RPH3A: variants seen among roughly 807,000 people sequenced by gnomAD.
The protein encoded by RPH3A is rabphilin 3A, also known as rabphilin-3A.
A neutral mutation model predicts 102.2 loss-of-function variants in RPH3A; 48 were observed. The observed-to-expected ratio is 0.47, with a 90% CI of 0.37 to 0.60. The LOEUF is 0.60. Among genes scored for constraint, RPH3A ranks in the 20% least tolerant of loss-of-function variants. RPH3A has a pLI of 0.00. For missense variants in RPH3A, 781 were observed against 910.1 expected, an observed-to-expected ratio of 0.86 and a Z score of 1.83; for synonymous variants, 310 against 324.3, an observed-to-expected ratio of 0.96 and a Z score of 0.47.
intron 1 of RPH3A, among the ~76,000 whole-genome samples, chr12:112,748,508 A>T (rs1033616348): frequency 1.5e-4 from 23 of 151,976 alleles, no homozygotes; most frequent in Non-Finnish European, 2.8e-4. Context: ...TAATTTTTAA[A>T]TTTTTTGTAG....
At chr12:112,656,369 A>G (rs1357403180) in intron 1 of RPH3A, among the ~76,000 whole-genome samples, 1 of 152,206 alleles carries the variant, frequency 6.6e-6, no homozygotes, top group African/African-American at 2.4e-5. Context: ...CCTTGGTGAC[A>G]TCACCCCAAG....
chr12:112,650,864 G>A (rs2039969491), intron 1 of RPH3A: 1 of 151,824 alleles, frequency 6.6e-6, no homozygotes, highest in African/African-American at 2.4e-5. Context: ...GAGTAGCTGG[G>A]ACCACAGGCG....
chr12:112,805,890 T>C (rs2041451648), intron 2 of RPH3A, among the ~76,000 whole-genome samples: 1 of 152,212 alleles, frequency 6.6e-6, no homozygotes, highest in African/African-American at 2.4e-5. Context: ...ACCTACAATG[T>C]TCATATTTTC....
chr12:112,743,438 A>G (rs927692711), intron 1 of RPH3A, among the ~76,000 whole-genome samples: 8 of 152,114 alleles, frequency 5.3e-5, no homozygotes, highest in Non-Finnish European at 1.2e-4. Context: ...TAGAGACTAC[A>G]CTTGGAGAAA....
At chr12:112,678,514 C>T (rs1592939781) in intron 1 of RPH3A, among the ~76,000 whole-genome samples, 1 of 152,112 alleles carries the variant, frequency 6.6e-6, no homozygotes, top group African/African-American at 2.4e-5. Context: ...CAAATGCAGT[C>T]ATATTGACAA....
Position 112,717,850 on chromosome 12 carries a change from C to T in RPH3A, c.-139-74293C>T, listed in dbSNP as rs527806578. ...GGTGGGTGTACCATTTGTATTTCCC[C>T]CAGCAATAGATGAGGGTTCTAGATG... is the stretch of plus-strand genomic sequence containing the variant. On this transcript the variant is annotated intron_variant, in intron 1 of 21. Transcript: ENST00000543106. Among the ~76,000 whole-genome samples, 3 of 152,082 alleles carry T rather than the reference C, an allele frequency of 2.0e-5. No individual in the cohort carries two copies. The South Asian group carries it at 6.2e-4, about 32-fold the overall frequency.
intron 1 of RPH3A, among the ~76,000 whole-genome samples, chr12:112,704,234 G>A (rs563480544): frequency 7.2e-5 from 11 of 152,144 alleles, no homozygotes; most frequent in South Asian, 6.2e-4. Context: ...GACTACAGGC[G>A]TAAGCCGTCA....
At chr12:112,716,273 T>C (rs181944742) in intron 1 of RPH3A, among the ~76,000 whole-genome samples, 3 of 152,170 alleles carry the variant, frequency 2.0e-5, no homozygotes, top group Non-Finnish European at 4.4e-5. Context: ...CTCAGCCTTA[T>C]GTTACCCAGC....
chr12:112,870,373 G>C (rs955943101), intron 10 of RPH3A, among the ~76,000 whole-genome samples: 1 of 150,000 alleles, frequency 6.7e-6, no homozygotes, highest in African/African-American at 2.5e-5. Flanking sequence ...AAGTAAGGAT[G>C]CTTCACTCTC....
chr12:112,667,886 G>A (rs2136007412), intron 1 of RPH3A, among the ~76,000 whole-genome samples: 1 of 152,240 alleles, frequency 6.6e-6, no homozygotes, highest in Non-Finnish European at 1.5e-5. Context: ...CTCCCCATTG[G>A]AACAGTGGAT....
chr12:112,669,446 C>A (rs1319747779), intron 1 of RPH3A, among the ~76,000 whole-genome samples: 1 of 152,214 alleles, frequency 6.6e-6, no homozygotes, highest in Non-Finnish European at 1.5e-5. Flanking sequence ...ACACTGTCAT[C>A]TGCTCATTGT....
chr12:112,674,875 T>A lies in RPH3A; in HGVS notation c.-140+99556T>A, dbSNP rs232929. ...TTGGGGGAAAAAAATCCACATTCTC[T>A]CTCAGGGGCTTTACTCCCTTGGTTT... On this transcript the variant is annotated intron_variant, in intron 1 of 21. Transcript: ENST00000543106. Among the ~76,000 whole-genome samples the A allele has an allele frequency of 7.2e-5, 11 of 152,074 alleles. No individual in the cohort carries two copies. In the East Asian group the frequency reaches 1.5e-3, roughly 21 times the overall value.
At chr12:112,583,985 C>A (rs1421140526) in intron 1 of RPH3A, among the ~76,000 whole-genome samples, 1 of 151,754 alleles carries the variant, frequency 6.6e-6, no homozygotes, top group Non-Finnish European at 1.5e-5. Flanking sequence ...GACCCTGTCT[C>A]AAAAAAATAA....
intron 1 of RPH3A, among the ~76,000 whole-genome samples, chr12:112,587,956 C>A (rs926002674): frequency 6.6e-6 from 1 of 152,216 alleles, no homozygotes; most frequent in Non-Finnish European, 1.5e-5. Context: ...GTGATCTCTT[C>A]AAAAATCTAG....
chr12:112,770,721 A>T (rs939267320), intron 1 of RPH3A, among the ~76,000 whole-genome samples: 2 of 152,166 alleles, frequency 1.3e-5, no homozygotes, highest in African/African-American at 2.4e-5. Context: ...CTGGGGTCCC[A>T]TGTGGCCCAG....
At chr12:112,800,405 G>A (rs2041319769) in intron 2 of RPH3A, among the ~76,000 whole-genome samples, 1 of 152,166 alleles carries the variant, frequency 6.6e-6, no homozygotes, top group East Asian at 1.9e-4. Flanking sequence ...GACAAAGGGA[G>A]ACAGGAACAA....
intron 4 of RPH3A, among the ~76,000 whole-genome samples, chr12:112,841,707 G>GTTTT (rs761403652): frequency 1.9e-4 from 27 of 145,052 alleles, no homozygotes; most frequent in South Asian, 8.8e-4. Context: ...TGTTTTTTTG[G>GTTTT]TTTTTTTTTT....
intron 1 of RPH3A, among the ~76,000 whole-genome samples, chr12:112,614,799 T>C (rs2039666117): frequency 6.6e-6 from 1 of 151,998 alleles, no homozygotes; most frequent in Non-Finnish European, 1.5e-5. Flanking sequence ...TATTATTATC[T>C]TTAGAGTTGG....
chr12:112,720,565 T>G (rs1592962149), intron 1 of RPH3A, among the ~76,000 whole-genome samples: 1 of 152,352 alleles, frequency 6.6e-6, no homozygotes, highest in Non-Finnish European at 1.5e-5. Flanking sequence ...CACCTCTAAA[T>G]CTCAGTGACG....
Sources: allele counts gnomAD v4.1 joint callset (sites outside exome capture counted in the v4.1 genomes callset), GRCh38; gene constraint gnomAD v4.1.1; transcripts MANE v1.5; gene names NCBI Gene and HGNC (gene_info 2026-07-23, HGNC 2026-07-21).